The following MAP3K7 variants were observed in gnomAD, a reference collection of about 807,000 sequenced individuals.
MAP3K7 encodes TGF-beta activated kinase 1.
In MAP3K7, 21 loss-of-function variants were observed where a neutral mutation model predicts 84.8. That is an observed-to-expected ratio of 0.25 (90% confidence interval 0.18 to 0.36). The LOEUF is 0.36. Ranked by LOEUF, MAP3K7 falls within the 10% of genes least tolerant of loss-of-function variation. The pLI is 1.00. For synonymous variants in MAP3K7, 241 were observed against 247.7 expected (o/e 0.97, Z 0.25); for missense variants, 503 against 747.7 (o/e 0.67, Z 3.82).
chr6:90,578,098 G>T (rs772106397), intron 1 of MAP3K7, among the ~76,000 whole-genome samples: 9 of 152,128 alleles, frequency 5.9e-5, no homozygotes, highest in Non-Finnish European at 1.3e-4. Flanking sequence ...CATAAAAGAG[G>T]TAAGTATTAC....
chr6:90,523,635 T>C (rs370100496), intron 14 of MAP3K7, 43 bp downstream of exon 14: 3 of 1,283,890 alleles, frequency 2.3e-6, no homozygotes, highest in Non-Finnish European at 3.4e-6. Context: ...AATATAAACA[T>C]GACTGATTCA....
intron 1 of MAP3K7, 110 bp from the exon 2 acceptor site, chr6:90,571,917 A>T (rs1776918503): frequency 1.9e-5 from 2 of 105,154 alleles, no homozygotes; most frequent in South Asian, 1.8e-4. Context: ...CTTTAAATTA[A>T]AAAAAAAAAA....
At chr6:90,549,497 A>C (rs1582199262) in intron 9 of MAP3K7, among the ~76,000 whole-genome samples, 1 of 152,354 alleles carries the variant, frequency 6.6e-6, no homozygotes, top group African/African-American at 2.4e-5. Context: ...CTTGTGGTTT[A>C]GCCAAGCAAG....
intron 16 of MAP3K7, among the ~76,000 whole-genome samples, chr6:90,517,729 T>A (rs1429310186): frequency 6.6e-6 from 1 of 151,766 alleles, no homozygotes; most frequent in Non-Finnish European, 1.5e-5. Flanking sequence ...CTCTCTTTTT[T>A]TTGAAGTACA....
At chr6:90,525,769 C>T (rs569864181) in intron 13 of MAP3K7, among the ~76,000 whole-genome samples, 11 of 151,788 alleles carry the variant, frequency 7.2e-5, no homozygotes, top group Non-Finnish European at 1.5e-4. Context: ...GGTCTTGCTA[C>T]GTTCCCAGGC....
chr6:90,578,449 AT>A (rs1393227170), intron 1 of MAP3K7, among the ~76,000 whole-genome samples: 1 of 151,966 alleles, frequency 6.6e-6, no homozygotes, highest in Non-Finnish European at 1.5e-5. Context: ...TAATTTTTGT[AT>A]TTTTAGTAGA....
chr6:90,569,374 C>A (rs1231472724), intron 2 of MAP3K7, among the ~76,000 whole-genome samples: 1 of 152,180 alleles, frequency 6.6e-6, no homozygotes, highest in Non-Finnish European at 1.5e-5. Context: ...AGCCTACTAG[C>A]TGGTTTCCCT....
At chr6:90,558,819 C>T (rs1391500943) in intron 5 of MAP3K7, among the ~76,000 whole-genome samples, 1 of 152,108 alleles carries the variant, frequency 6.6e-6, no homozygotes, top group Non-Finnish European at 1.5e-5. Context: ...ATTCCAAAGC[C>T]AAAACATACT....
chr6:90,530,510 T>C (rs1356782460), intron 13 of MAP3K7, among the ~76,000 whole-genome samples: 1 of 152,176 alleles, frequency 6.6e-6, no homozygotes, highest in Non-Finnish European at 1.5e-5. Context: ...TGCTTGTTTG[T>C]CCCACTTGTA....
In MAP3K7 at chr6:90,533,883, C is replaced by CT. The variant is rs142692043; in HGVS notation, c.1356+2453dup. ...CTTTCTCAGTATCTTTTCAAAGCTT[C>CT]TAGGAAGTCACATCTATTGAGTGTT... On this transcript the variant is annotated intron_variant, in intron 13 of 16. Coordinates refer to ENST00000369329, the MANE Select transcript of MAP3K7 (RefSeq NM_145331.3). Among the ~76,000 whole-genome samples, 52 of 152,238 alleles carry CT rather than the reference C, an allele frequency of 3.4e-4. No homozygotes were observed. The East Asian group carries it at 9.6e-3, about 28-fold the overall frequency.
intron 11 of MAP3K7, among the ~76,000 whole-genome samples, 161 bp downstream of exon 11, chr6:90,547,097 G>A (rs975466685): frequency 6.6e-5 from 10 of 152,026 alleles, no homozygotes; most frequent in Non-Finnish European, 1.5e-5. Context: ...TGAGATAAAT[G>A]CATAAACTAT....
At chr6:90,567,006 C>T (rs991878008) in intron 3 of MAP3K7, among the ~76,000 whole-genome samples, 4 of 152,242 alleles carry the variant, frequency 2.6e-5, no homozygotes, top group African/African-American at 9.6e-5. Context: ...AACTGGCTAG[C>T]CTTATGTAGA....
chr6:90,561,997 A>G (rs1776532947), intron 3 of MAP3K7, among the ~76,000 whole-genome samples: 1 of 152,226 alleles, frequency 6.6e-6, no homozygotes, highest in African/African-American at 2.4e-5. Flanking sequence ...CACCTAAAAG[A>G]ACTCTTCCGA....
rs1355327138 is a variant in MAP3K7 at position 90,514,175 on chromosome 6, A to G, written c.*2326T>C. The G allele has an allele frequency of 6.6e-6, 1 of 152,088 alleles. No homozygotes were observed. The highest frequency in any genetic ancestry group is 6.6e-5 in the Admixed American group (1 of 15,222). 9.4% of individuals were successfully genotyped at this position (152,088 alleles called of 1,614,324 possible). On this transcript the variant is annotated 3_prime_UTR_variant, in exon 17 of 17. Transcript: ENST00000369329. Reference sequence around the variant, plus strand: ...TTTTCACCCAAAAAACGGTCAAAATAAATTGTAAAACCAGAACGAATAAGT... The same window carrying G: ...TTTTCACCCAAAAAACGGTCAAAATGAATTGTAAAACCAGAACGAATAAGT...
Position 90,519,300 on chromosome 6 carries a change from G to C in MAP3K7, c.1482C>G (p.Asn494Lys). The change falls in exon 15 of 17, where the codon AAC (asparagine) becomes AAG (lysine). Residue 494 changes from asparagine (N) to lysine (K), a missense_variant. This residue lies in a region of MAP3K7 where 286 missense variants were observed against 313.6 expected (regional missense o/e 0.91). Transcript: ENST00000369329. ...DDSTDTNGSDNSIPMAYLTLD... is the reference protein window; with the variant it reads ...DDSTDTNGSDKSIPMAYLTLD... Reference sequence around the variant, plus strand: ...GTGTAAGATAAGCCATTGGGATGGAGTTATCTGATCCATTGGTATCTGGAA... The same window carrying C: ...GTGTAAGATAAGCCATTGGGATGGACTTATCTGATCCATTGGTATCTGGAA... 1 of 1,583,204 alleles carries C rather than the reference G, an allele frequency of 6.3e-7. No homozygotes were observed. Among genetic ancestry groups the C allele is most frequent in the Non-Finnish European group, 8.6e-7 (1 of 1,166,510 alleles).
At chr6:90,586,706 G>A in intron 1 of MAP3K7, 58 bp downstream of exon 1, 6 of 1,543,272 alleles carry the variant, frequency 3.9e-6, no homozygotes, top group African/African-American at 1.4e-5. Flanking sequence ...GCCGGCACCA[G>A]GCAGAGGCGG....
In MAP3K7 at chr6:90,552,263, G is replaced by T. The variant is rs34809368; in HGVS notation, c.737-84C>A. 2.6e-4 allele frequency: 328 copies of T among 1,273,536 alleles called. No individual in the cohort carries two copies. In the African/African-American group the frequency reaches 2.9e-3, roughly 11 times the overall value. 78.9% of individuals were successfully genotyped at this position (1,273,536 alleles called of 1,614,324 possible). On this transcript the variant is annotated intron_variant, in intron 7 of 16. Coordinates refer to ENST00000369329, the MANE Select transcript of MAP3K7 (RefSeq NM_145331.3). ...ACTCTTTGTACGTATTTCCAAAGTG[G>T]TATTTATTTTATAGATCTTGTAGTT...
In MAP3K7 at chr6:90,518,432, TA is replaced by T. The variant is rs1775042178; in HGVS notation, c.1640+14del. 1.5e-6 allele frequency: 2 copies of T among 1,311,242 alleles called. No individual in the cohort carries two copies. The highest frequency in any genetic ancestry group is 2.2e-6 in the Non-Finnish European group (2 of 924,574). 81.2% of individuals were successfully genotyped at this position (1,311,242 alleles called of 1,614,324 possible). ...ACTAATGTATTTTTATTTTTATTCA[TA>T]AAAAATAACTTACTTTCTCTGTAAT... On this transcript the variant is annotated intron_variant, in intron 16 of 16. Transcript: ENST00000369329.
Position 90,556,531 on chromosome 6 carries a change from AC to A in MAP3K7, c.575del (p.Ser192MetfsTer31). ...IQTHMTNNKG[S>X]AAWMAPEVFE... ...AAACTTCAGGTGCCATCCAAGCAGC[AC>A]TCCCCTTGTTATTGGTCATGTGTGT... On this transcript the variant is annotated frameshift_variant, in exon 6 of 17. Coordinates refer to ENST00000369329, the MANE Select transcript of MAP3K7 (RefSeq NM_145331.3). LOFTEE classifies it high-confidence loss of function. 1 of 1,613,238 alleles carries A rather than the reference AC, an allele frequency of 6.2e-7. No homozygotes were observed. Among genetic ancestry groups the A allele is most frequent in the Non-Finnish European group, 8.5e-7 (1 of 1,179,698 alleles).
Sources: allele counts gnomAD v4.1 joint callset (sites outside exome capture counted in the v4.1 genomes callset), GRCh38; gene constraint gnomAD v4.1.1; regional missense constraint gnomAD v4.1.1; transcripts MANE v1.5; gene names NCBI Gene and HGNC (gene_info 2026-07-23, HGNC 2026-07-21).